The following GALNTL6 variants were observed in gnomAD, a reference collection of about 807,000 sequenced individuals.
GALNTL6 encodes polypeptide N-acetylgalactosaminyltransferase-like 6.
In GALNTL6, 46 loss-of-function variants were observed where a neutral mutation model predicts 73.7. That is an observed-to-expected ratio of 0.62 (90% CI 0.49 to 0.80). The LOEUF (loss-of-function observed/expected upper bound fraction) is 0.80. Among genes scored for constraint, GALNTL6 ranks in the 30% least tolerant of loss-of-function variants. The probability of loss-of-function intolerance (pLI) is 0.00; values close to 1 mark genes in which losing one functional copy is unlikely to be tolerated. For missense variants in GALNTL6, 604 were observed against 755.0 expected (o/e 0.80, Z 2.34); for synonymous variants, 259 against 263.7 (o/e 0.98, Z 0.17).
At chr4:171,890,654 G>A (rs533120382) in intron 2 of GALNTL6, among the ~76,000 whole-genome samples, 1 of 151,966 alleles carries the variant, frequency 6.6e-6, no homozygotes, top group Non-Finnish European at 1.5e-5. Flanking sequence ...TTGGCAATAA[G>A]CATTATACTT....
rs563562022 is a variant in GALNTL6 at position 172,827,131 on chromosome 4, C to G, written c.923+13408C>G. On this transcript the variant is annotated intron_variant, in intron 7 of 12. Transcript: ENST00000506823. Reference sequence around the variant, plus strand: ...TCTGCTCTCTTGCATGGTAGGGTCACTCTCCCACTGACTCAGCTCTACTTA... The same window carrying G: ...TCTGCTCTCTTGCATGGTAGGGTCAGTCTCCCACTGACTCAGCTCTACTTA... 5.9e-5 allele frequency among the ~76,000 whole-genome samples: 9 copies of G among 152,330 alleles called. No individual in the cohort carries two copies. In the South Asian group the frequency reaches 1.0e-3, roughly 18 times the overall value.
At position 172,809,546 on chromosome 4, in the gene GALNTL6, A is replaced by G; in HGVS notation, c.739A>G (p.Asn247Asp). The change falls in exon 6 of 13, where the codon AAC (asparagine) becomes GAC (aspartate). Residue 247 changes from asparagine to aspartate, a missense_variant and splice_region_variant. This residue lies in a region of GALNTL6 where 179 missense variants were observed against 230.8 expected (regional missense o/e 0.78). Coordinates refer to ENST00000506823, the MANE Select transcript of GALNTL6 (RefSeq NM_001034845.3). This position sits in a 1 kb window ranked among gnomAD's most constrained non-coding sequence, Gnocchi z 4.4. ...TGTGAACTGGCTGCCCCCACTCCTC[A>G]GTGAGTACAGGTTGCTAAGCACCAT... is the stretch of plus-strand genomic sequence containing the variant. ...VNVNWLPPLL[N>D]QIALNHKTIV... 1.2e-6 allele frequency: 2 copies of G among 1,610,404 alleles called. No homozygotes were observed. The highest frequency in any genetic ancestry group is 2.7e-5 in the African/African-American group (2 of 74,940).
intron 2 of GALNTL6, among the ~76,000 whole-genome samples, chr4:172,042,863 G>GAAAAA (rs1742121588): frequency 6.1e-4 from 1 of 1,632 alleles, no homozygotes; most frequent in Non-Finnish European, 1.3e-3. Flanking sequence ...ATCTTTAACA[G>GAAAAA]TAAAAAAAAA....
chr4:172,586,489 AAAG>A (rs1737414963), intron 5 of GALNTL6, among the ~76,000 whole-genome samples: 1 of 152,094 alleles, frequency 6.6e-6, no homozygotes, highest in African/African-American at 2.4e-5. Context: ...AAAAAAAAAA[AAAG>A]GACATTTCAA....
At chr4:171,971,693 G>A (rs1038583103) in intron 2 of GALNTL6, among the ~76,000 whole-genome samples, 51 of 152,142 alleles carry the variant, frequency 3.4e-4, no homozygotes, top group African/African-American at 1.1e-3. Context: ...AATGCAATGG[G>A]TCTGGTCTTT....
intron 5 of GALNTL6, among the ~76,000 whole-genome samples, chr4:172,360,895 G>T (rs1742341765): frequency 6.6e-6 from 1 of 152,146 alleles, no homozygotes; most frequent in African/African-American, 2.4e-5. Flanking sequence ...TGCAAGTCCA[G>T]GTTTGAAGGC....
At chr4:172,466,681 C>T (rs1732833684) in intron 5 of GALNTL6, among the ~76,000 whole-genome samples, 1 of 152,188 alleles carries the variant, frequency 6.6e-6, no homozygotes, top group Admixed American at 6.5e-5. Context: ...AAACTTCTTT[C>T]ACCTAACAGC....
intron 5 of GALNTL6, among the ~76,000 whole-genome samples, chr4:172,415,670 C>T (rs951596846): frequency 6.6e-6 from 1 of 152,040 alleles, no homozygotes. Context: ...TGGGAGCATC[C>T]GCGGACTCAC....
chr4:172,934,666 A>G (rs1338293010), intron 9 of GALNTL6, among the ~76,000 whole-genome samples: 1 of 152,176 alleles, frequency 6.6e-6, no homozygotes, highest in Non-Finnish European at 1.5e-5. Context: ...GTGTCTTGCC[A>G]CAAGGAACAA....
chr4:172,608,258 A>T (rs76964675), intron 5 of GALNTL6, among the ~76,000 whole-genome samples: 1 of 151,872 alleles, frequency 6.6e-6, no homozygotes, highest in Non-Finnish European at 1.5e-5. Flanking sequence ...ACTTTTTATG[A>T]TTTTAGGTTT....
At chr4:173,032,978 G>A (rs987201980) in intron 12 of GALNTL6, among the ~76,000 whole-genome samples, 3 of 152,116 alleles carry the variant, frequency 2.0e-5, no homozygotes, top group Non-Finnish European at 4.4e-5. Context: ...AAGGGGCTCT[G>A]TCAGGGCATT....
At chr4:172,270,755 T>C (rs1320455343) in intron 3 of GALNTL6, among the ~76,000 whole-genome samples, 2 of 151,846 alleles carry the variant, frequency 1.3e-5, no homozygotes, top group Middle Eastern at 3.4e-3. Flanking sequence ...AGATAGATGA[T>C]AGATAGTAGA....
intron 5 of GALNTL6, among the ~76,000 whole-genome samples, chr4:172,808,342 A>T (rs960370052): frequency 1.3e-5 from 2 of 152,250 alleles, no homozygotes; most frequent in African/African-American, 4.8e-5. Flanking sequence ...CACAAATCCT[A>T]CATGAACCCC....
chr4:172,254,984 C>G (rs1467940415), intron 3 of GALNTL6, among the ~76,000 whole-genome samples: 5 of 151,630 alleles, frequency 3.3e-5, no homozygotes, highest in Admixed American at 2.6e-4. Flanking sequence ...AAATGGATGG[C>G]AGAAATTCAA....
chr4:172,023,574 G>A lies in GALNTL6; in HGVS notation c.139-206082G>A, dbSNP rs930367350. Among the ~76,000 whole-genome samples the A allele has an allele frequency of 2.0e-5, 3 of 151,636 alleles. 1 individual carries two copies. The highest frequency in any genetic ancestry group is 1.3e-4 in the Admixed American group (2 of 15,210). On this transcript the variant is annotated intron_variant, in intron 2 of 12. Transcript: ENST00000506823. ...AACTCTTTCATGCTTTACTCTTCAG[G>A]TGACTTATTCAATACATTTCTTTTC...
intron 5 of GALNTL6, among the ~76,000 whole-genome samples, chr4:172,672,500 G>C (rs981856211): frequency 6.6e-6 from 1 of 152,192 alleles, no homozygotes; most frequent in African/African-American, 2.4e-5. Context: ...TCATGGCCAA[G>C]TTTTGCTATC....
intron 5 of GALNTL6, among the ~76,000 whole-genome samples, chr4:172,561,430 A>C (rs760236968): frequency 1.3e-5 from 2 of 152,176 alleles, no homozygotes; most frequent in Admixed American, 6.5e-5. Flanking sequence ...ATGTTTAAGA[A>C]GGTAGAAACA....
In GALNTL6 at chr4:172,051,153, GCA is replaced by G. The variant is rs200806260; in HGVS notation, c.139-178501_139-178500del. Among the ~76,000 whole-genome samples the G allele has an allele frequency of 3.4e-4, 52 of 152,226 alleles. 1 individual carries two copies. In the East Asian group the frequency reaches 9.9e-3, roughly 29 times the overall value. ...GACAGGGGTGTGGCTTGTGTGTTCA[GCA>G]CCATGCACTTAAATCCCTTATAGGA... On this transcript the variant is annotated intron_variant, in intron 2 of 12. Coordinates refer to ENST00000506823, the MANE Select transcript of GALNTL6 (RefSeq NM_001034845.3).
intron 2 of GALNTL6, among the ~76,000 whole-genome samples, chr4:171,934,058 C>A (rs1004602769): frequency 6.6e-6 from 1 of 152,172 alleles, no homozygotes; most frequent in East Asian, 1.9e-4. Context: ...CTACTTTTAA[C>A]ATATCTTCTG....
Sources: gnomAD v4.1 joint callset for allele counts (sites outside exome capture counted in the v4.1 genomes callset) on GRCh38, gnomAD v4.1.1 for gene constraint, gnomAD v4.1.1 regional missense constraint, Gnocchi (gnomAD v3.1) non-coding constraint, MANE v1.5 for transcripts, NCBI Gene and HGNC (gene_info 2026-07-23, HGNC 2026-07-21) for gene names.